The following FBXO4 variants were observed in gnomAD, a reference collection of about 807,000 sequenced individuals.
FBXO4 encodes F-box protein 4.
Under a neutral mutation model 43.7 loss-of-function variants are expected in FBXO4, and 36 were observed. The ratio of observed to expected loss-of-function variants is 0.82; its 90% CI spans 0.63 to 1.09. The LOEUF is 1.09. FBXO4 is among the 50% of genes least tolerant of loss of function. FBXO4 has a pLI of 0.00. For missense variants in FBXO4, 435 were observed against 474.1 expected (o/e 0.92, Z 0.77); for synonymous variants, 180 against 165.6 (o/e 1.09, Z -0.67).
At chr5:41,968,092 G>T in the FBXO4 span, 10 of 345,440 alleles carry the variant, frequency 2.9e-5, no homozygotes, top group Non-Finnish European at 6.0e-5. Flanking sequence ...TTGGCAATGG[G>T]TTCTTCCCAA....
the FBXO4 span, among the ~76,000 whole-genome samples, chr5:41,987,234 G>A: frequency 6.6e-6 from 1 of 152,012 alleles, no homozygotes; most frequent in East Asian, 1.9e-4. Context: ...TAAGTAAAAT[G>A]GAAATAATAA....
chr5:41,934,648 G>T, intron 5 of FBXO4: 3 of 1,101,372 alleles, frequency 2.7e-6, no homozygotes, highest in Admixed American at 4.6e-5. Context: ...ATATTTTTTT[G>T]CTTTATGCTT....
At position 41,925,460 on chromosome 5, in the gene FBXO4, G is replaced by A. The variant is rs1389654889; in HGVS notation, c.151G>A (p.Glu51Lys). 2.2e-6 allele frequency: 3 copies of A among 1,338,466 alleles called. No homozygotes were observed. In the Admixed American group the frequency reaches 1.2e-4, roughly 54 times the overall value. The allele number at this position is 1,338,466 out of a possible 1,614,324, so 82.9% of individuals were successfully genotyped here. A position where few individuals can be genotyped will look rare whatever the true frequency, so the allele number is the denominator to read the frequency against. ...ERVARTTSRE[E>K]VDEAASTLTR... The stretch of plus-strand genomic sequence containing the variant: ...GGTGGCGCGTACGACCTCACGGGAG[G>A]AGGTGGATGAGGCGGCCAGCACCCT... Residue 51 changes from glutamate (E) to lysine (K), a missense_variant, in exon 1 of 7, where the codon GAG (glutamate) becomes AAG (lysine). By Grantham distance (56) the Glu-to-Lys change is moderately conservative (BLOSUM62 1). Coordinates refer to ENST00000281623, the MANE Select transcript of FBXO4 (RefSeq NM_012176.3).
the FBXO4 span, among the ~76,000 whole-genome samples, chr5:41,981,252 C>A: frequency 2.6e-5 from 4 of 152,176 alleles, no homozygotes; most frequent in Admixed American, 2.6e-4. Flanking sequence ...CAAGATTCAA[C>A]TGAACTGATT....
chr5:41,940,891 G>A (rs1252733584), intron 6 of FBXO4, among the ~76,000 whole-genome samples: 1 of 152,130 alleles, frequency 6.6e-6, no homozygotes, highest in Non-Finnish European at 1.5e-5. Context: ...TTTTCAAAGT[G>A]GATCCTTTGG....
the FBXO4 span, among the ~76,000 whole-genome samples, chr5:42,036,984 T>C: frequency 3.3e-5 from 5 of 152,074 alleles, no homozygotes; most frequent in Non-Finnish European, 7.4e-5. Flanking sequence ...TTGGGTGTAT[T>C]GAGAAGCTCC....
At chr5:41,944,200 C>A (rs78262231), downstream of FBXO4, among the ~76,000 whole-genome samples, 213 of 152,280 alleles carry the variant, frequency 1.4e-3, 1 homozygote, top group East Asian at 0.04. Context: ...TTGTAGAAAT[C>A]AAATGGAAGT....
chr5:42,032,570 G>A, the FBXO4 span, among the ~76,000 whole-genome samples: 1 of 152,124 alleles, frequency 6.6e-6, no homozygotes, highest in African/African-American at 2.4e-5. Flanking sequence ...TAAGGCTAAG[G>A]TCTCTTAAGT....
chr5:42,020,639 C>T, the FBXO4 span, among the ~76,000 whole-genome samples: 3 of 152,174 alleles, frequency 2.0e-5, no homozygotes, highest in Non-Finnish European at 4.4e-5. Flanking sequence ...TTCTGCCCTG[C>T]TTATCAGGAA....
chr5:42,005,684 A>T, the FBXO4 span, among the ~76,000 whole-genome samples: 1 of 152,100 alleles, frequency 6.6e-6, no homozygotes, highest in Non-Finnish European at 1.5e-5. Context: ...TCCATGCTTT[A>T]TTCCAGCTGT....
chr5:41,982,775 T>C, the FBXO4 span, among the ~76,000 whole-genome samples: 1 of 152,238 alleles, frequency 6.6e-6, no homozygotes, highest in South Asian at 2.1e-4. Context: ...TGCACTGTTT[T>C]GTTACATAGG....
the FBXO4 span, among the ~76,000 whole-genome samples, chr5:42,029,253 T>A: frequency 6.6e-6 from 1 of 152,008 alleles, no homozygotes; most frequent in African/African-American, 2.4e-5. Context: ...CAGCACTTTA[T>A]ATACGTCATG....
the FBXO4 span, among the ~76,000 whole-genome samples, chr5:42,029,378 T>C: frequency 6.6e-6 from 1 of 152,108 alleles, no homozygotes; most frequent in Admixed American, 6.6e-5. Context: ...CCTTCCTTTA[T>C]CCTTGATCTT....
At chr5:41,985,288 A>G in the FBXO4 span, among the ~76,000 whole-genome samples, 1 of 152,216 alleles carries the variant, frequency 6.6e-6, no homozygotes, top group African/African-American at 2.4e-5. Flanking sequence ...CTTATTCAAC[A>G]GAGCCTAGAA....
intron 6 of FBXO4, among the ~76,000 whole-genome samples, chr5:41,940,302 C>A (rs1328110598): frequency 6.6e-6 from 1 of 152,136 alleles, no homozygotes; most frequent in Non-Finnish European, 1.5e-5. Context: ...CTCGCTCTCA[C>A]CCAGGCTGTA....
At chr5:41,997,325 G>A in the FBXO4 span, among the ~76,000 whole-genome samples, 1 of 152,226 alleles carries the variant, frequency 6.6e-6, no homozygotes, top group Non-Finnish European at 1.5e-5. Flanking sequence ...TGAATGAGAT[G>A]TGGTGAGAAT....
the FBXO4 span, among the ~76,000 whole-genome samples, chr5:42,032,143 C>T: frequency 3.3e-5 from 5 of 151,284 alleles, no homozygotes; most frequent in Non-Finnish European, 5.9e-5. Context: ...ACAATCACCC[C>T]TGTGCCCACT....
the FBXO4 span, among the ~76,000 whole-genome samples, chr5:42,029,058 C>T: frequency 4.4e-4 from 67 of 151,898 alleles, no homozygotes; most frequent in Non-Finnish European, 7.8e-4. Flanking sequence ...TCAGATATTT[C>T]TTTTTGCTCA....
Position 41,941,178 on chromosome 5 carries a change from T to G in FBXO4, c.1075-14T>G, listed in dbSNP as rs1751995365. 1.9e-6 allele frequency: 3 copies of G among 1,608,602 alleles called. No homozygotes were observed. The highest frequency in any genetic ancestry group is 2.6e-6 in the Non-Finnish European group (3 of 1,175,282). On this transcript the variant is annotated splice_polypyrimidine_tract_variant and intron_variant, in intron 6 of 6. Transcript: ENST00000281623. The stretch of plus-strand genomic sequence containing the variant: ...AGTTTCTTACTAACAACATTCTCTC[T>G]TATGTATTCCGAGGTCCAGGATACA...
Sources: allele counts gnomAD v4.1 joint callset (sites outside exome capture counted in the v4.1 genomes callset), GRCh38; gene constraint gnomAD v4.1.1; transcripts MANE v1.5; gene names NCBI Gene and HGNC (gene_info 2026-07-23, HGNC 2026-07-21).